The following MLLT3 variants were observed in gnomAD, a reference collection of about 807,000 sequenced individuals.
MLLT3 encodes the protein protein AF-9.
In MLLT3, 4 loss-of-function variants were observed where a neutral mutation model predicts 53.2. The observed-to-expected ratio is 0.08, with a 90% CI of 0.04 to 0.17. The LOEUF (loss-of-function observed/expected upper bound fraction) is 0.17. MLLT3 is among the 10% of genes least tolerant of loss of function. The pLI, the probability that MLLT3 is intolerant of heterozygous loss-of-function variation, is 1.00. For synonymous variants in MLLT3, 283 were observed against 230.6 expected (o/e 1.23, Z -2.06); for missense variants, 569 against 684.0 (o/e 0.83, Z 1.87).
chr9:20,559,627 A>C (rs1819150292), intron 2 of MLLT3, among the ~76,000 whole-genome samples: 1 of 152,196 alleles, frequency 6.6e-6, no homozygotes, highest in Non-Finnish European at 1.5e-5. Context: ...GCCTTTGGCC[A>C]AATCACTTCA....
At chr9:20,438,101 G>T (rs1358848226) in intron 4 of MLLT3, among the ~76,000 whole-genome samples, 1 of 152,158 alleles carries the variant, frequency 6.6e-6, no homozygotes, top group Non-Finnish European at 1.5e-5. Flanking sequence ...CAGAATGAGA[G>T]GTCAAGCTAA....
chr9:20,483,769 G>A (rs567057003), intron 2 of MLLT3, among the ~76,000 whole-genome samples: 13 of 128,876 alleles, frequency 1.0e-4, no homozygotes, highest in African/African-American at 2.7e-4. Flanking sequence ...GTGCAGTGGC[G>A]CCATCTTGGC....
At chr9:20,368,207 G>A (rs1261123423) in intron 5 of MLLT3, among the ~76,000 whole-genome samples, 23 of 152,210 alleles carry the variant, frequency 1.5e-4, no homozygotes, top group Non-Finnish European at 2.9e-5. Flanking sequence ...CTCTTCTACT[G>A]TTGAGCCCCA....
chr9:20,367,904 A>G (rs1821499198), intron 5 of MLLT3, among the ~76,000 whole-genome samples: 1 of 152,146 alleles, frequency 6.6e-6, no homozygotes, highest in South Asian at 2.1e-4. Context: ...CTCCCAAGGT[A>G]GCACCAGGCT....
chr9:20,343,026 A>C lies in MLLT3; in HGVS notation c.*3417T>G, dbSNP rs1037361070. 5.3e-6 allele frequency: 1 copy of C among 187,312 alleles called. No homozygotes were observed. The highest frequency in any genetic ancestry group is 2.3e-5 in the African/African-American group (1 of 42,580). The allele number at this position is 187,312 out of a possible 1,614,324, so 11.6% of individuals were successfully genotyped here. On this transcript the variant is annotated 3_prime_UTR_variant, in exon 11 of 11. Transcript: ENST00000380338. ...CAACACTGGACATCCAACTCCATTA[A>C]GTAGGCAAAGTTAAAACATTTAAGA...
chr9:20,535,543 C>CA (rs1818459600), intron 2 of MLLT3, among the ~76,000 whole-genome samples: 1 of 151,796 alleles, frequency 6.6e-6, no homozygotes, highest in African/African-American at 2.4e-5. Flanking sequence ...AATGCGCAAC[C>CA]AAAAAAATCA....
chr9:20,421,103 A>C (rs1485070115), intron 4 of MLLT3, among the ~76,000 whole-genome samples: 1 of 152,048 alleles, frequency 6.6e-6, no homozygotes, highest in Non-Finnish European at 1.5e-5. Flanking sequence ...GTCTCTACTA[A>C]AAATACAAAA....
intron 4 of MLLT3, among the ~76,000 whole-genome samples, chr9:20,445,430 A>G (rs1270809524): frequency 5.3e-5 from 8 of 152,300 alleles, no homozygotes; most frequent in African/African-American, 1.9e-4. Flanking sequence ...AAAAAAACAG[A>G]ATGTTATTGA....
chr9:20,378,066 T>C (rs1821815508), intron 5 of MLLT3, among the ~76,000 whole-genome samples: 1 of 152,114 alleles, frequency 6.6e-6, no homozygotes, highest in Non-Finnish European at 1.5e-5. Context: ...GTGTGTAAGA[T>C]AATACATAGT....
chr9:20,498,514 TA>T (rs994400763), intron 2 of MLLT3, among the ~76,000 whole-genome samples: 21 of 152,352 alleles, frequency 1.4e-4, no homozygotes, highest in African/African-American at 4.8e-4. Flanking sequence ...GTTATTCATA[TA>T]ATCTAGATCA....
chr9:20,410,855 T>C (rs1307063131), intron 5 of MLLT3, among the ~76,000 whole-genome samples: 1 of 152,186 alleles, frequency 6.6e-6, no homozygotes, highest in Non-Finnish European at 1.5e-5. Context: ...ACTAGACAAA[T>C]AATCATTTTC....
chr9:20,617,655 T>C lies in MLLT3; in HGVS notation c.193+2999A>G, dbSNP rs141505761. ...GGTACTAATAAATAAGATATTGTCTTTTTTTGCAGGTAAATAGTTTAAAAA... is the reference window on the plus strand; with the variant it reads ...GGTACTAATAAATAAGATATTGTCTCTTTTTGCAGGTAAATAGTTTAAAAA... On this transcript the variant is annotated intron_variant, in intron 2 of 10. Coordinates refer to ENST00000380338, the MANE Select transcript of MLLT3 (RefSeq NM_004529.4). Among the ~76,000 whole-genome samples, 92 of 152,304 alleles carry C rather than the reference T, an allele frequency of 6.0e-4. 1 individual carries two copies. In the East Asian group the frequency reaches 0.017, roughly 28 times the overall value.
intron 3 of MLLT3, among the ~76,000 whole-genome samples, chr9:20,453,852 C>A (rs1227366307): frequency 6.6e-6 from 1 of 152,102 alleles, no homozygotes; most frequent in Non-Finnish European, 1.5e-5. Flanking sequence ...ATTTATTAAT[C>A]CACATCTCTA....
intron 5 of MLLT3, among the ~76,000 whole-genome samples, chr9:20,399,586 T>G: frequency 6.6e-6 from 1 of 152,028 alleles, no homozygotes; most frequent in South Asian, 2.1e-4. Context: ...TTTCAAAGAA[T>G]AAGTGAAAGT....
intron 2 of MLLT3, chr9:20,502,413 A>G (rs752532678): frequency 6.6e-6 from 1 of 152,550 alleles, no homozygotes; most frequent in Non-Finnish European, 1.5e-5. Flanking sequence ...CTAGCCACCA[A>G]GTATTTTTAA....
chr9:20,552,571 C>A (rs1169895292), intron 2 of MLLT3, among the ~76,000 whole-genome samples: 1 of 151,798 alleles, frequency 6.6e-6, no homozygotes, highest in Non-Finnish European at 1.5e-5. Flanking sequence ...GCAGAAGAGG[C>A]GAGAACAGAA....
At chr9:20,453,377 A>G (rs558324949) in intron 3 of MLLT3, among the ~76,000 whole-genome samples, 2 of 152,272 alleles carry the variant, frequency 1.3e-5, no homozygotes, top group African/African-American at 2.4e-5. Flanking sequence ...CCTGGGCAAC[A>G]TGGTGAAACC....
chr9:20,428,383 A>C (rs1486686059), intron 4 of MLLT3, among the ~76,000 whole-genome samples: 5 of 152,060 alleles, frequency 3.3e-5, no homozygotes, highest in African/African-American at 4.8e-5. Flanking sequence ...TGGTAATATA[A>C]TTATGCTAAA....
chr9:20,507,474 C>A (rs780857670), intron 2 of MLLT3, among the ~76,000 whole-genome samples: 3 of 151,968 alleles, frequency 2.0e-5, no homozygotes, highest in Admixed American at 6.5e-5. Flanking sequence ...TAAAAAGGTC[C>A]TAGTTTATAT....
Sources: allele counts gnomAD v4.1 joint callset (sites outside exome capture counted in the v4.1 genomes callset), GRCh38; gene constraint gnomAD v4.1.1; transcripts MANE v1.5; gene names NCBI Gene and HGNC (gene_info 2026-07-23, HGNC 2026-07-21).